Variants in LPP observed in about 807,000 individuals in gnomAD.
The protein encoded by LPP is LIM domain containing preferred translocation partner in lipoma, also known as lipoma-preferred partner.
A neutral mutation model predicts 60.4 loss-of-function variants in LPP; 38 were observed. That is an observed-to-expected ratio of 0.63 (90% CI 0.49 to 0.83). The LOEUF (loss-of-function observed/expected upper bound fraction) is 0.83. Among genes scored for constraint, LPP ranks in the 40% least tolerant of loss-of-function variants. LPP has a pLI of 0.00. For synonymous variants in LPP, 328 were observed against 290.8 expected (o/e 1.13, Z -1.30); for missense variants, 902 against 783.6 (o/e 1.15, Z -1.80).
chr3:188,668,372 G>A lies in LPP; in HGVS notation c.1114-39895G>A, dbSNP rs190379790. Among the ~76,000 whole-genome samples, 23 of 152,236 alleles carry A rather than the reference G, an allele frequency of 1.5e-4. No individual in the cohort carries two copies. The East Asian group carries it at 4.1e-3, about 27-fold the overall frequency. ...CCATATGATATGCAAAGTGGGTGTTGGGAGGTGTTTATATCAAACACCATA... is the reference window on the plus strand; with the variant it reads ...CCATATGATATGCAAAGTGGGTGTTAGGAGGTGTTTATATCAAACACCATA... On this transcript the variant is annotated intron_variant, in intron 7 of 11. Transcript: ENST00000617246.
At chr3:188,868,278 AC>A (rs1223165325) in intron 10 of LPP, among the ~76,000 whole-genome samples, 1 of 152,190 alleles carries the variant, frequency 6.6e-6, no homozygotes, top group Non-Finnish European at 1.5e-5. Flanking sequence ...CTGATACATT[AC>A]ACCCCTCAAT....
At chr3:188,766,878 A>G (rs1446958978) in intron 9 of LPP, among the ~76,000 whole-genome samples, 1 of 152,188 alleles carries the variant, frequency 6.6e-6, no homozygotes, top group Middle Eastern at 3.2e-3. Flanking sequence ...ATGTATACAA[A>G]TGTAACCACA....
At chr3:188,774,481 CA>C (rs1737092830) in intron 9 of LPP, among the ~76,000 whole-genome samples, 1 of 152,000 alleles carries the variant, frequency 6.6e-6, no homozygotes, top group Non-Finnish European at 1.5e-5. Context: ...TATCCACCTC[CA>C]AATCTTACTC....
intron 9 of LPP, among the ~76,000 whole-genome samples, chr3:188,819,736 A>G (rs1426310396): frequency 6.6e-6 from 1 of 152,146 alleles, no homozygotes; most frequent in Non-Finnish European, 1.5e-5. Flanking sequence ...GGTGGCGATG[A>G]TTCAGGCAGA....
At chr3:188,403,246 C>T (rs1782666276) in intron 3 of LPP, among the ~76,000 whole-genome samples, 2 of 152,254 alleles carry the variant, frequency 1.3e-5, no homozygotes, top group Middle Eastern at 6.8e-3. Flanking sequence ...TATTTATACT[C>T]TCCCAGAAAT....
chr3:188,317,818 T>C (rs887822250), intron 2 of LPP, among the ~76,000 whole-genome samples: 6 of 151,844 alleles, frequency 4.0e-5, no homozygotes, highest in African/African-American at 1.5e-4. Flanking sequence ...GAGGGGATGG[T>C]GCACAGGGAG....
At chr3:188,185,144 G>A (rs2222103) in intron 1 of LPP, among the ~76,000 whole-genome samples, 16,755 of 151,998 alleles carry the variant, frequency 0.11, 1,747 homozygotes, top group East Asian at 0.46. Context: ...GAAAGGACTT[G>A]AGTCTTAGAG....
chr3:188,617,265 C>T (rs762077341), intron 7 of LPP, among the ~76,000 whole-genome samples: 1 of 152,100 alleles, frequency 6.6e-6, no homozygotes, highest in African/African-American at 2.4e-5. Context: ...AAAACTGAGG[C>T]CTGAAGAGTT....
chr3:188,154,900 G>A (rs944522386), intron 1 of LPP, among the ~76,000 whole-genome samples: 1 of 152,130 alleles, frequency 6.6e-6, no homozygotes, highest in Non-Finnish European at 1.5e-5. Flanking sequence ...TCCAGGGAGG[G>A]GGTTTGATTT....
At chr3:188,604,701 T>G (rs1470887263) in intron 6 of LPP, among the ~76,000 whole-genome samples, 1 of 152,184 alleles carries the variant, frequency 6.6e-6, no homozygotes, top group East Asian at 1.9e-4. Context: ...GATATTAACC[T>G]TCATTCATTC....
At chr3:188,545,267 CATTA>C (rs1446055891) in intron 6 of LPP, among the ~76,000 whole-genome samples, 1 of 72,420 alleles carries the variant, frequency 1.4e-5, no homozygotes, top group Non-Finnish European at 2.9e-5. Context: ...AAAAAAAAAA[CATTA>C]AAAAAAAAAA....
At chr3:188,819,439 G>C (rs919312716) in intron 9 of LPP, among the ~76,000 whole-genome samples, 1 of 152,010 alleles carries the variant, frequency 6.6e-6, no homozygotes, top group Non-Finnish European at 1.5e-5. Context: ...GAGGCTACAG[G>C]ATTCACAAAA....
chr3:188,852,970 C>T (rs1415055810), intron 9 of LPP, among the ~76,000 whole-genome samples: 2 of 151,942 alleles, frequency 1.3e-5, no homozygotes, highest in Admixed American at 6.6e-5. Context: ...ATGGTGAAAC[C>T]CCATCTCTAC....
intron 4 of LPP, among the ~76,000 whole-genome samples, chr3:188,456,554 G>T (rs1270140536): frequency 6.6e-6 from 1 of 152,258 alleles, no homozygotes; most frequent in Non-Finnish European, 1.5e-5. Flanking sequence ...ATTCTGAATG[G>T]GGTTTGGGGT....
intron 10 of LPP, among the ~76,000 whole-genome samples, chr3:188,868,992 C>T (rs541429147): frequency 2.0e-4 from 31 of 152,272 alleles, no homozygotes; most frequent in African/African-American, 7.5e-4. Flanking sequence ...ATGAGACAGG[C>T]ACAGGTAAGG....
intron 7 of LPP, among the ~76,000 whole-genome samples, chr3:188,694,779 T>A (rs1303630507): frequency 6.6e-6 from 1 of 152,000 alleles, no homozygotes; most frequent in Admixed American, 6.6e-5. Context: ...TCAGAATTAG[T>A]TGGGGGTACT....
chr3:188,161,969 T>C (rs1348199043), intron 1 of LPP, among the ~76,000 whole-genome samples: 3 of 152,208 alleles, frequency 2.0e-5, no homozygotes, highest in African/African-American at 7.2e-5. Context: ...GGTTCCTTGC[T>C]TTTGACAGCT....
rs193031853 is a variant in LPP, at chr3:188,496,374, A to G, written c.306+11670A>G. ...GAACACCTGACCTCGTGATCTGCCC[A>G]CCTCAGCCTCCCAAAGTGCTGGGAT... On this transcript the variant is annotated intron_variant, in intron 5 of 11. Coordinates refer to ENST00000617246, the MANE Select transcript of LPP (RefSeq NM_001375462.1). Among the ~76,000 whole-genome samples the G allele has an allele frequency of 1.2e-3, 187 of 152,162 alleles. 2 individuals are homozygous for G. The highest frequency in any genetic ancestry group is 3.5e-3 in the African/African-American group (146 of 41,518).
intron 8 of LPP, among the ~76,000 whole-genome samples, chr3:188,732,274 A>C (rs1720892639): frequency 2.0e-5 from 3 of 152,220 alleles, no homozygotes; most frequent in Admixed American, 1.3e-4. Flanking sequence ...GTCAGACACA[A>C]TTCAGAAATG....
Sources: gnomAD v4.1 joint callset for allele counts (sites outside exome capture counted in the v4.1 genomes callset) on GRCh38, gnomAD v4.1.1 for gene constraint, MANE v1.5 for transcripts, NCBI Gene and HGNC (gene_info 2026-07-23, HGNC 2026-07-21) for gene names.